DDR2: variants seen among roughly 807,000 people sequenced by gnomAD.
DDR2 encodes the protein discoidin domain receptor tyrosine kinase 2.
DDR2 carries 27 observed loss-of-function variants against 94.9 expected under a neutral mutation model. That is an observed-to-expected ratio of 0.28 (90% confidence interval 0.21 to 0.39). DDR2 has a LOEUF of 0.39. DDR2 is among the 10% of genes least tolerant of loss of function. The pLI is 1.00. For synonymous variants in DDR2, 382 were observed against 377.2 expected, an observed-to-expected ratio of 1.01 and a Z score of -0.15; for missense variants, 783 against 1,076.0, an observed-to-expected ratio of 0.73 and a Z score of 3.81.
chr1:162,772,033 G>A lies in DDR2; in HGVS notation c.1514G>A (p.Gly505Asp). 1.2e-6 allele frequency: 2 copies of A among 1,607,676 alleles called. No individual in the cohort carries two copies. The highest frequency in any genetic ancestry group is 1.7e-6 in the Non-Finnish European group (2 of 1,177,248). The change falls in exon 13 of 18, where the codon GGT becomes GAT. Residue 505 changes from glycine to aspartate, a missense_variant. This residue lies in a region of DDR2 where 519 missense variants were observed against 647.9 expected (regional missense o/e 0.80). Transcript: ENST00000367921. The stretch of plus-strand genomic sequence containing the variant: ...GCCCTTGTCTTCCCAGGCTGCAGCG[G>A]TGTTGTGAAGCCAGTCCAGCCCAGT... ...APGEEESGCS[G>D]VVKPVQPSGP...
chr1:162,675,470 G>A (rs990484519), intron 2 of DDR2, among the ~76,000 whole-genome samples: 3 of 152,216 alleles, frequency 2.0e-5, no homozygotes, highest in Admixed American at 6.5e-5. Context: ...AGGAACAGGT[G>A]AGCAAGGGCC....
intron 2 of DDR2, among the ~76,000 whole-genome samples, chr1:162,666,526 C>A (rs924146200): frequency 6.6e-6 from 1 of 152,044 alleles, no homozygotes; most frequent in African/African-American, 2.4e-5. Context: ...CTTGAGTAAA[C>A]CCCTTTATCA....
At chr1:162,773,335 A>T in intron 13 of DDR2, 134 bp from the exon 14 acceptor site, 2 of 1,203,076 alleles carry the variant, frequency 1.7e-6, no homozygotes, top group East Asian at 4.9e-5. Context: ...TATGTTACAC[A>T]TATCTTCTTA....
intron 3 of DDR2, among the ~76,000 whole-genome samples, chr1:162,738,616 T>C (rs1662432446): frequency 4.1e-5 from 1 of 24,532 alleles, no homozygotes. Context: ...ACTTTCAAGT[T>C]CATATGGAAC....
At chr1:162,630,959 C>T (rs535207026), upstream of DDR2, among the ~76,000 whole-genome samples, 5 of 152,242 alleles carry the variant, frequency 3.3e-5, no homozygotes, top group East Asian at 9.6e-4. Context: ...CATAAACTAA[C>T]CCTAGTTCTA....
At chr1:162,686,431 T>C (rs1402610439) in intron 2 of DDR2, among the ~76,000 whole-genome samples, 1 of 152,230 alleles carries the variant, frequency 6.6e-6, no homozygotes, top group Non-Finnish European at 1.5e-5. Flanking sequence ...TGTGTCCTCA[T>C]TGTTCAACTC....
At chr1:162,750,459 G>A (rs1324286014) in intron 3 of DDR2, among the ~76,000 whole-genome samples, 1 of 152,136 alleles carries the variant, frequency 6.6e-6, no homozygotes, top group Non-Finnish European at 1.5e-5. Context: ...ACCTCTTCAA[G>A]GAGAACTACA....
intron 2 of DDR2, among the ~76,000 whole-genome samples, chr1:162,671,296 A>T (rs148662263): frequency 3.0e-3 from 453 of 152,286 alleles, no homozygotes; most frequent in Non-Finnish European, 5.1e-3. Flanking sequence ...GTTGCCCAGG[A>T]CATTTATTTA....
rs540797845 is a variant in DDR2, at chr1:162,644,053, C to T, written c.-191-11158C>T. 2.0e-5 allele frequency among the ~76,000 whole-genome samples: 3 copies of T among 152,068 alleles called. No individual in the cohort carries two copies. In the East Asian group the frequency reaches 5.8e-4, roughly 29 times the overall value. ...GATACACTTGCAACTTGCTTTTTCC[C>T]AAGTGTTTAGGACTCTAGTAGGGAC... On this transcript the variant is annotated intron_variant, in intron 1 of 17. Coordinates refer to ENST00000367921, the MANE Select transcript of DDR2 (RefSeq NM_006182.4).
chr1:162,730,315 C>T (rs972573862), intron 3 of DDR2, among the ~76,000 whole-genome samples: 2 of 152,098 alleles, frequency 1.3e-5, no homozygotes, highest in Non-Finnish European at 2.9e-5. Flanking sequence ...CAGCCCGGGA[C>T]TGCAGGGGAG....
Position 162,782,475 on chromosome 1 carries a change from T to C in DDR2, c.*2229T>C, listed in dbSNP as rs900339863. On this transcript the variant is annotated 3_prime_UTR_variant, in exon 18 of 18. Coordinates refer to ENST00000367921, the MANE Select transcript of DDR2 (RefSeq NM_006182.4). Reference sequence around the variant, plus strand: ...TCCAAATACATTAGCATATTTGATATGTGCAGGACTAGATACCTTGGGACC... The same window carrying C: ...TCCAAATACATTAGCATATTTGATACGTGCAGGACTAGATACCTTGGGACC... 2.6e-5 allele frequency: 4 copies of C among 152,172 alleles called. No homozygotes were observed. Among genetic ancestry groups the C allele is most frequent in the African/African-American group, 9.7e-5 (4 of 41,442 alleles). 9.4% of individuals were successfully genotyped at this position (152,172 alleles called of 1,614,324 possible). A position where few individuals can be genotyped will look rare whatever the true frequency, so the allele number is the denominator to read the frequency against.
At chr1:162,775,142 C>T (rs756066081) in intron 14 of DDR2, among the ~76,000 whole-genome samples, 4 of 151,778 alleles carry the variant, frequency 2.6e-5, no homozygotes, top group Non-Finnish European at 4.4e-5. Flanking sequence ...ACTGATGGTT[C>T]GTACTGCATT....
chr1:162,679,478 G>T (rs1442972620), intron 2 of DDR2, among the ~76,000 whole-genome samples: 2 of 151,656 alleles, frequency 1.3e-5, no homozygotes, highest in Admixed American at 1.3e-4. Flanking sequence ...CAAAGGACAT[G>T]ATCTCATTCT....
intron 13 of DDR2, chr1:162,772,582 T>C: frequency 1.1e-5 from 4 of 367,694 alleles, no homozygotes; most frequent in South Asian, 9.0e-5. Context: ...TTTTATGAAC[T>C]GTCCAGGAAC....
intron 3 of DDR2, among the ~76,000 whole-genome samples, chr1:162,751,545 G>T (rs1190355146): frequency 6.6e-6 from 1 of 152,308 alleles, no homozygotes; most frequent in South Asian, 2.1e-4. Context: ...TTACGCTGTT[G>T]GTGGGAGTGT....
At chr1:162,768,485 G>A (rs1664107295) in intron 11 of DDR2, among the ~76,000 whole-genome samples, 1 of 152,172 alleles carries the variant, frequency 6.6e-6, no homozygotes, top group Non-Finnish European at 1.5e-5. Flanking sequence ...CTGTGTTTGG[G>A]GGTGGGGACT....
At chr1:162,770,664 G>A (rs775756197) in intron 12 of DDR2, 152 bp downstream of exon 12, 38 of 809,454 alleles carry the variant, frequency 4.7e-5, no homozygotes, top group East Asian at 1.3e-4. Context: ...TTGGTCTGCC[G>A]CTGCTCCTGG....
chr1:162,766,056 A>C lies in DDR2; in HGVS notation c.1155A>C (p.Thr385=). Residue 385 remains threonine, a synonymous_variant, in exon 10 of 18, where the codon ACA becomes ACC. Transcript: ENST00000367921. ...EALPTSPMAP[T]TYDPMLKVDD... ...TGCCCACCTCTCCTATGGCACCCACAACCTATGGTATATGTGATTCCTAAT... is the reference window on the plus strand; with the variant it reads ...TGCCCACCTCTCCTATGGCACCCACCACCTATGGTATATGTGATTCCTAAT... 1 of 1,613,804 alleles carries C rather than the reference A, an allele frequency of 6.2e-7. No individual in the cohort carries two copies. The highest frequency in any genetic ancestry group is 8.5e-7 in the Non-Finnish European group (1 of 1,179,930).
At chr1:162,670,761 G>T (rs1268056000) in intron 2 of DDR2, among the ~76,000 whole-genome samples, 1 of 152,192 alleles carries the variant, frequency 6.6e-6, no homozygotes, top group Non-Finnish European at 1.5e-5. Context: ...TAGTGCTTCT[G>T]TTGTCTGTTG....
Sources: gnomAD v4.1 joint callset for allele counts (sites outside exome capture counted in the v4.1 genomes callset) on GRCh38, gnomAD v4.1.1 for gene constraint, gnomAD v4.1.1 regional missense constraint, MANE v1.5 for transcripts, NCBI Gene and HGNC (gene_info 2026-07-23, HGNC 2026-07-21) for gene names.